Variants in CD72 observed in about 807,000 individuals in gnomAD.
CD72 encodes B-cell differentiation antigen CD72.
Under a neutral mutation model 50.7 loss-of-function variants are expected in CD72, and 28 were observed. That is an observed-to-expected ratio of 0.55 (90% CI 0.41 to 0.76). The LOEUF is 0.76. CD72 is among the 30% of genes least tolerant of loss of function. The probability of loss-of-function intolerance (pLI) is 0.00; values close to 1 mark genes in which losing one functional copy is unlikely to be tolerated. For missense variants in CD72, 403 were observed against 420.6 expected, an observed-to-expected ratio of 0.96 and a Z score of 0.37; for synonymous variants, 176 against 171.2, an observed-to-expected ratio of 1.03 and a Z score of -0.22.
At chr9:35,617,374 C>G in intron 2 of CD72, 127 bp from the exon 3 acceptor site, 1 of 1,044,922 alleles carries the variant, frequency 9.6e-7, no homozygotes, top group Non-Finnish European at 1.4e-6. Flanking sequence ...TAGAGCTGCT[C>G]TGGGACACAG....
intron 1 of CD72, among the ~76,000 whole-genome samples, chr9:35,640,196 T>C (rs1823326002): frequency 6.6e-6 from 1 of 152,260 alleles, no homozygotes; most frequent in Non-Finnish European, 1.5e-5. Flanking sequence ...AAGGGCTTAA[T>C]CCTTCACAAA....
chr9:35,610,405 C>T, intron 8 of CD72, 105 bp from the exon 9 acceptor site: 1 of 491,080 alleles, frequency 2.0e-6, no homozygotes. Context: ...CACCAGCCTC[C>T]CATAAGTTGT....
Position 35,610,302 on chromosome 9 carries a change from T to G in CD72, c.*23-2A>C, listed in dbSNP as rs193019576. 1.5e-3 allele frequency: 358 copies of G among 241,696 alleles called. 1 individual carries two copies. Among genetic ancestry groups the G allele is most frequent in the Admixed American group, 4.5e-3 (78 of 17,288 alleles). The allele number at this position is 241,696 out of a possible 1,614,324, so 15.0% of individuals were successfully genotyped here. A position where few individuals can be genotyped will look rare whatever the true frequency, so the allele number is the denominator to read the frequency against. On this transcript the variant is annotated splice_acceptor_variant, in intron 8 of 8. Coordinates refer to ENST00000259633, the MANE Select transcript of CD72 (RefSeq NM_001782.3). LOFTEE classifies it low-confidence loss of function (3UTR_SPLICE). ...ACAGGTTCTTGTTGGCATGAGTGTC[T>G]GGAAAAGTAAAGTATCAGTGAGCTC... is the stretch of plus-strand genomic sequence containing the variant.
chr9:35,632,379 C>A (rs549122111), intron 1 of CD72, among the ~76,000 whole-genome samples: 2 of 152,032 alleles, frequency 1.3e-5, no homozygotes, highest in South Asian at 4.2e-4. Flanking sequence ...ACCGTGTTAG[C>A]CAGGATGGTC....
At chr9:35,619,334 C>T (rs536591875), upstream of CD72, among the ~76,000 whole-genome samples, 2 of 152,232 alleles carry the variant, frequency 1.3e-5, no homozygotes, top group South Asian at 4.1e-4. Flanking sequence ...TGTTCTTTTA[C>T]CGGGATGTGA....
upstream of CD72, chr9:35,618,505 T>C (rs777551298): frequency 3.7e-6 from 5 of 1,336,346 alleles, no homozygotes; most frequent in Middle Eastern, 3.6e-4. Flanking sequence ...GCAGAAGGCA[T>C]CCCTGGGCCA....
At chr9:35,645,293 A>T (rs962705084) in intron 1 of CD72, among the ~76,000 whole-genome samples, 3 of 151,976 alleles carry the variant, frequency 2.0e-5, no homozygotes, top group African/African-American at 7.3e-5. Context: ...CAAGGTTTCA[A>T]ATGAAGTCAT....
intron 2 of CD72, among the ~76,000 whole-genome samples, 192 bp downstream of exon 2, chr9:35,617,816 AACACTT>A (rs1401152742): frequency 1.3e-5 from 2 of 152,154 alleles, no homozygotes; most frequent in African/African-American, 4.8e-5. Context: ...CTGCAATCCC[AACACTT>A]TGGGAGGCCA....
In CD72 at chr9:35,617,369, C is replaced by T. The variant is rs77356015; in HGVS notation, c.191-122G>A. 8.9e-3 allele frequency: 9,786 copies of T among 1,104,638 alleles called. 422 individuals are homozygous for T. The African/African-American group carries it at 0.11, about 12-fold the overall frequency. The allele number at this position is 1,104,638 out of a possible 1,614,324, so 68.4% of individuals were successfully genotyped here. On this transcript the variant is annotated intron_variant, in intron 2 of 8. Coordinates refer to ENST00000259633, the MANE Select transcript of CD72 (RefSeq NM_001782.3). Reference sequence around the variant, plus strand: ...GTCTGCCCTACGTTGCCTGCTAGAGCTGCTCTGGGACACAGTGTCACTCTC... The same window carrying T: ...GTCTGCCCTACGTTGCCTGCTAGAGTTGCTCTGGGACACAGTGTCACTCTC...
chr9:35,614,614 C>T (rs1167883673), intron 5 of CD72, among the ~76,000 whole-genome samples: 1 of 152,154 alleles, frequency 6.6e-6, no homozygotes, highest in Non-Finnish European at 1.5e-5. Flanking sequence ...AATGATTCCA[C>T]AATTTGTCAC....
Position 35,612,848 on chromosome 9 carries a change from T to G in CD72, c.834A>C (p.Ser278=), listed in dbSNP as rs1397873676. 3 of 1,614,178 alleles carry G rather than the reference T, an allele frequency of 1.9e-6. No individual in the cohort carries two copies. The highest frequency in any genetic ancestry group is 1.3e-5 in the African/African-American group (1 of 75,066). The change falls in exon 6 of 9, where the codon TCA becomes TCC. Residue 278 remains serine (S), a splice_region_variant and synonymous_variant. Transcript: ENST00000259633. ...LATFSEIYPQ[S]HSYYFLNSLL... is the part of the protein sequence containing the mutation. The stretch of plus-strand genomic sequence containing the variant: ...AGTCTGTGAGTAAGGATATGCTTAC[T>G]GATTGTGGATAAATTTCACTGAATG...
upstream of CD72, chr9:35,618,692 G>T: frequency 1.0e-6 from 1 of 992,818 alleles, no homozygotes; most frequent in Non-Finnish European, 1.4e-6. Context: ...CCCTCCTCCT[G>T]GCTGCCTTGT....
chr9:35,642,869 C>T (rs1165151630), intron 1 of CD72: 1 of 152,134 alleles, frequency 6.6e-6, no homozygotes, highest in Admixed American at 6.5e-5. Context: ...CCAATCTGCT[C>T]CTGATATTAG....
chr9:35,616,991 G>T (rs900338407), intron 3 of CD72, 185 bp downstream of exon 3: 3 of 1,444,020 alleles, frequency 2.1e-6, no homozygotes, highest in Non-Finnish European at 2.7e-6. Flanking sequence ...ATCCGCAGGG[G>T]GGCGGTGCAC....
chr9:35,639,876 G>A (rs1399051543), intron 1 of CD72, among the ~76,000 whole-genome samples: 1 of 152,136 alleles, frequency 6.6e-6, no homozygotes, highest in East Asian at 1.9e-4. Flanking sequence ...TAACTCTGAG[G>A]ATTAAGCAAT....
At position 35,610,647 on chromosome 9, in the gene CD72, T is replaced by A. The variant is rs1437741753; in HGVS notation, c.1057A>T (p.Thr353Ser). The A allele has an allele frequency of 1.2e-6, 2 of 1,614,046 alleles. No homozygotes were observed. Residue 353 changes from threonine (T) to serine (S), a missense_variant, in exon 8 of 9, where the codon ACA (threonine) becomes TCA (serine). Transcript: ENST00000259633. ...TCCTAATCTGGAAACCTGAAAGCTG[T>A]CATCTCACAGATGTAGGGAAGAGAA... ...RSSLPYICEM[T>S]AFRFPD
At chr9:35,634,368 T>C (rs910582550) in intron 1 of CD72, among the ~76,000 whole-genome samples, 4 of 152,206 alleles carry the variant, frequency 2.6e-5, no homozygotes, top group Admixed American at 2.0e-4. Context: ...TTTTTTATTT[T>C]TGAGACAGAG....
At chr9:35,645,517 G>A (rs1563901786) in intron 1 of CD72, among the ~76,000 whole-genome samples, 1 of 152,118 alleles carries the variant, frequency 6.6e-6, no homozygotes, top group Non-Finnish European at 1.5e-5. Context: ...AAGAGGTAGA[G>A]GTTGCAGTGA....
chr9:35,622,136 G>C (rs935805206), upstream of CD72, among the ~76,000 whole-genome samples: 1 of 152,160 alleles, frequency 6.6e-6, no homozygotes, highest in African/African-American at 2.4e-5. Flanking sequence ...TAAAATACAA[G>C]ATAGTCTGAC....
Sources: allele counts gnomAD v4.1 joint callset (sites outside exome capture counted in the v4.1 genomes callset), GRCh38; gene constraint gnomAD v4.1.1; transcripts MANE v1.5; gene names NCBI Gene and HGNC (gene_info 2026-07-23, HGNC 2026-07-21).